EPHA6: variants seen among roughly 807,000 people sequenced by gnomAD.
EPHA6 encodes EPH receptor A6, also known as ephrin type-A receptor 6.
In EPHA6, 50 loss-of-function variants were observed where a neutral mutation model predicts 112.0. That is an observed-to-expected ratio of 0.45 (90% CI 0.36 to 0.56). EPHA6 has a LOEUF of 0.56. Ranked by LOEUF, EPHA6 falls within the 20% of genes least tolerant of loss-of-function variation. The probability of loss-of-function intolerance (pLI) is 0.00; values close to 1 mark genes in which losing one functional copy is unlikely to be tolerated. For missense variants in EPHA6, 1,280 were observed against 1,417.4 expected, an observed-to-expected ratio of 0.90 and a Z score of 1.56; for synonymous variants, 529 against 490.7, an observed-to-expected ratio of 1.08 and a Z score of -1.03.
intron 5 of EPHA6, among the ~76,000 whole-genome samples, chr3:97,358,647 A>C (rs958449352): frequency 1.3e-5 from 2 of 151,900 alleles, no homozygotes; most frequent in African/African-American, 4.8e-5. Flanking sequence ...ACTTTTATTG[A>C]GATTTTTTTT....
intron 3 of EPHA6, among the ~76,000 whole-genome samples, chr3:97,134,567 C>A (rs2075721102): frequency 6.6e-6 from 1 of 152,036 alleles, no homozygotes; most frequent in Admixed American, 6.6e-5. Context: ...TTTTGAAGAA[C>A]TAACCAAGTA....
intron 7 of EPHA6, among the ~76,000 whole-genome samples, chr3:97,449,337 C>T (rs1409187279): frequency 6.6e-6 from 1 of 152,010 alleles, no homozygotes; most frequent in Admixed American, 6.6e-5. Context: ...TTTTGGCCTT[C>T]AGAAATCCAT....
At chr3:97,627,061 A>G (rs2107522848) in intron 13 of EPHA6, among the ~76,000 whole-genome samples, 1 of 152,044 alleles carries the variant, frequency 6.6e-6, no homozygotes, top group East Asian at 1.9e-4. Flanking sequence ...TGTTTACAAC[A>G]GCACTGTGAA....
chr3:97,013,232 C>T (rs933940398), intron 3 of EPHA6, among the ~76,000 whole-genome samples: 2 of 151,788 alleles, frequency 1.3e-5, no homozygotes, highest in African/African-American at 4.8e-5. Flanking sequence ...AGTGTGAGGT[C>T]TTATATAAAT....
chr3:97,572,507 A>G (rs1268539256), intron 11 of EPHA6, among the ~76,000 whole-genome samples: 1 of 151,998 alleles, frequency 6.6e-6, no homozygotes, highest in African/African-American at 2.4e-5. Flanking sequence ...TTTTATGCTG[A>G]TATTTTAACA....
intron 5 of EPHA6, among the ~76,000 whole-genome samples, chr3:97,341,512 G>A (rs571309422): frequency 8.6e-5 from 13 of 151,988 alleles, no homozygotes; most frequent in Non-Finnish European, 1.2e-4. Flanking sequence ...CCGCCACCAC[G>A]CCTGGCTAAT....
Position 96,891,970 on chromosome 3 carries a change from T to C in EPHA6, c.450+25081T>C, listed in dbSNP as rs571498788. Among the ~76,000 whole-genome samples, 4 of 152,320 alleles carry C rather than the reference T, an allele frequency of 2.6e-5. No homozygotes were observed. The East Asian group carries it at 5.8e-4, about 22-fold the overall frequency. On this transcript the variant is annotated intron_variant, in intron 2 of 17. Transcript: ENST00000389672. The stretch of plus-strand genomic sequence containing the variant: ...ATTCTTGTCAGTTGAACAGGTTACA[T>C]TGCCTATTGGTGCAGTTTTGGAGGC...
chr3:97,314,050 T>G (rs2108761139), intron 5 of EPHA6, among the ~76,000 whole-genome samples: 1 of 151,700 alleles, frequency 6.6e-6, no homozygotes, highest in South Asian at 2.1e-4. Context: ...TTGAGTTGAG[T>G]TTTTATATAA....
chr3:96,838,881 G>T (rs922678664), intron 1 of EPHA6, among the ~76,000 whole-genome samples: 3 of 151,884 alleles, frequency 2.0e-5, no homozygotes, highest in African/African-American at 7.3e-5. Context: ...TTTTATTGTA[G>T]CTCTACATCA....
intron 3 of EPHA6, among the ~76,000 whole-genome samples, chr3:97,151,724 AATT>A (rs774424332): frequency 8.5e-5 from 13 of 152,168 alleles, no homozygotes; most frequent in East Asian, 3.9e-4. Flanking sequence ...TAGACTATGA[AATT>A]ATTATTACTT....
chr3:97,311,577 C>A (rs2081565355), intron 5 of EPHA6, among the ~76,000 whole-genome samples: 1 of 151,684 alleles, frequency 6.6e-6, no homozygotes, highest in South Asian at 2.1e-4. Context: ...GCATTGGCAA[C>A]TTCAAAGAAA....
chr3:96,958,456 T>A (rs1337924771), intron 2 of EPHA6, among the ~76,000 whole-genome samples: 1 of 152,224 alleles, frequency 6.6e-6, no homozygotes, highest in African/African-American at 2.4e-5. Flanking sequence ...AAAGGTTATA[T>A]TGCATGTAAA....
chr3:96,946,317 TC>T (rs372585298), intron 2 of EPHA6, among the ~76,000 whole-genome samples: 1 of 151,034 alleles, frequency 6.6e-6, no homozygotes, highest in Non-Finnish European at 1.5e-5. Context: ...ATGCTATCCC[TC>T]CCCCCCTTCC....
chr3:97,138,609 GA>G (rs2075819947), intron 3 of EPHA6, among the ~76,000 whole-genome samples: 1 of 152,188 alleles, frequency 6.6e-6, no homozygotes, highest in Non-Finnish European at 1.5e-5. Flanking sequence ...CACCAAGCCA[GA>G]GAACAAGTCT....
At chr3:97,586,145 G>A (rs2107313754) in intron 11 of EPHA6, among the ~76,000 whole-genome samples, 1 of 152,234 alleles carries the variant, frequency 6.6e-6, no homozygotes, top group Admixed American at 6.5e-5. Context: ...CACTCAACTT[G>A]CATTTATTGA....
At chr3:97,341,243 G>C (rs2083287006) in intron 5 of EPHA6, among the ~76,000 whole-genome samples, 1 of 152,106 alleles carries the variant, frequency 6.6e-6, no homozygotes, top group Non-Finnish European at 1.5e-5. Context: ...ACTTTAAGAG[G>C]TTCTGGGTAC....
At chr3:97,594,826 A>T (rs1191443062) in intron 12 of EPHA6, among the ~76,000 whole-genome samples, 1 of 152,208 alleles carries the variant, frequency 6.6e-6, no homozygotes, top group Non-Finnish European at 1.5e-5. Context: ...CCATACTATG[A>T]CACTTTAAAC....
chr3:97,727,380 A>G (rs1220003801), intron 15 of EPHA6, among the ~76,000 whole-genome samples: 1 of 152,088 alleles, frequency 6.6e-6, no homozygotes, highest in Non-Finnish European at 1.5e-5. Flanking sequence ...TCCAAATTTA[A>G]GAAGGAAGAA....
intron 3 of EPHA6, among the ~76,000 whole-genome samples, chr3:97,161,730 T>G (rs539222103): frequency 6.6e-6 from 1 of 152,218 alleles, no homozygotes; most frequent in Non-Finnish European, 1.5e-5. Context: ...CCTGAATTTT[T>G]GTCATATTTA....
Sources: allele counts gnomAD v4.1 joint callset (sites outside exome capture counted in the v4.1 genomes callset), GRCh38; gene constraint gnomAD v4.1.1; transcripts MANE v1.5; gene names NCBI Gene and HGNC (gene_info 2026-07-23, HGNC 2026-07-21).